The following PRKAG2 variants were observed in gnomAD, a reference collection of about 807,000 sequenced individuals.
The protein encoded by PRKAG2 is 5'-AMP-activated protein kinase subunit gamma-2.
In PRKAG2, 26 loss-of-function variants were observed where a neutral mutation model predicts 69.6. The ratio of observed to expected loss-of-function variants is 0.37; its 90% CI spans 0.27 to 0.52. The LOEUF is 0.52. Ranked by LOEUF, PRKAG2 falls within the 20% of genes least tolerant of loss-of-function variation. PRKAG2 has a pLI of 0.90. For synonymous variants in PRKAG2, 293 were observed against 285.0 expected, an observed-to-expected ratio of 1.03 and a Z score of -0.28; for missense variants, 557 against 740.0, an observed-to-expected ratio of 0.75 and a Z score of 2.87.
In PRKAG2 at chr7:151,699,919, C is replaced by T. The variant is rs1837385750; in HGVS notation, c.467-24282G>A. The stretch of plus-strand genomic sequence containing the variant: ...AAGGGAGTAGAGGGGCAGTGCTCTG[C>T]TGCCACAGGCGGCCGCAGATGGGTG... On this transcript the variant is annotated intron_variant, in intron 3 of 15. Transcript: ENST00000287878. This position sits in a 1 kb window ranked among gnomAD's most constrained non-coding sequence, Gnocchi z 4.5. 6.6e-6 allele frequency among the ~76,000 whole-genome samples: 1 copy of T among 152,180 alleles called. No homozygotes were observed. Among genetic ancestry groups the T allele is most frequent in the Non-Finnish European group, 1.5e-5 (1 of 68,030 alleles).
At chr7:151,709,748 T>C (rs1563491074) in intron 3 of PRKAG2, among the ~76,000 whole-genome samples, 1 of 152,110 alleles carries the variant, frequency 6.6e-6, no homozygotes, top group African/African-American at 2.4e-5. Flanking sequence ...GTGTGAGACA[T>C]TGTGATATTG....
At chr7:151,568,076 A>T (rs976641872) in intron 11 of PRKAG2, among the ~76,000 whole-genome samples, 1 of 152,246 alleles carries the variant, frequency 6.6e-6, no homozygotes, top group Non-Finnish European at 1.5e-5. Flanking sequence ...GACAAACATA[A>T]AAAGCCTCTT....
intron 5 of PRKAG2, among the ~76,000 whole-genome samples, chr7:151,625,266 G>A (rs964845601): frequency 5.3e-5 from 8 of 152,186 alleles, no homozygotes; most frequent in Non-Finnish European, 8.8e-5. Flanking sequence ...CAAAGGAGAG[G>A]AAGGAATGAT....
intron 1 of PRKAG2, among the ~76,000 whole-genome samples, chr7:151,855,781 G>GT (rs2079759555): frequency 6.6e-6 from 1 of 152,224 alleles, no homozygotes; most frequent in Non-Finnish European, 1.5e-5. Flanking sequence ...ACAGGGATGG[G>GT]TAGAGGCTCA....
chr7:151,620,355 CTTTA>C (rs1821181723), intron 5 of PRKAG2, among the ~76,000 whole-genome samples: 1 of 152,002 alleles, frequency 6.6e-6, no homozygotes, highest in African/African-American at 2.4e-5. Context: ...TTCTTTCTTT[CTTTA>C]GAGATAGGAT....
rs116372641 is a variant in PRKAG2 at position 151,795,046 on chromosome 7, A to G, written c.115-8505T>C. ...GTGGGATTCCTGAGAGCCCCTTCCT[A>G]GTTCAGGGCCCCAGGGCAGCCTCTT... is the stretch of plus-strand genomic sequence containing the variant. On this transcript the variant is annotated intron_variant, in intron 1 of 15. Coordinates refer to ENST00000287878, the MANE Select transcript of PRKAG2 (RefSeq NM_016203.4). Among the ~76,000 whole-genome samples, 723 of 152,236 alleles carry G rather than the reference A, an allele frequency of 4.7e-3. 6 individuals are homozygous for G. Among genetic ancestry groups the G allele is most frequent in the African/African-American group, 0.017 (704 of 41,534 alleles).
At chr7:151,649,873 C>T (rs1828179389) in intron 4 of PRKAG2, among the ~76,000 whole-genome samples, 1 of 152,092 alleles carries the variant, frequency 6.6e-6, no homozygotes, top group Admixed American at 6.6e-5. Flanking sequence ...TTATAAATTA[C>T]CCAGTCTCAG....
intron 11 of PRKAG2, 68 bp from the exon 12 acceptor site, chr7:151,565,953 T>C: frequency 6.5e-7 from 1 of 1,531,234 alleles, no homozygotes; most frequent in Non-Finnish European, 9.0e-7. Flanking sequence ...AAGGTCCAGA[T>C]TTGAATGAAA....
In PRKAG2 at chr7:151,806,613, A is replaced by G. The variant is rs995047415; in HGVS notation, c.115-20072T>C. On this transcript the variant is annotated intron_variant, in intron 1 of 15. Transcript: ENST00000287878. ...TAATTAACAAATGCTTGGGTGGACAATCCTTCAAAATTTAGGATCAATGGG... is the reference window on the plus strand; with the variant it reads ...TAATTAACAAATGCTTGGGTGGACAGTCCTTCAAAATTTAGGATCAATGGG... 8.5e-5 allele frequency: 15 copies of G among 175,810 alleles called. 1 individual carries two copies. The East Asian group carries it at 1.2e-3, about 14-fold the overall frequency. 10.9% of individuals were successfully genotyped at this position (175,810 alleles called of 1,614,324 possible).
chr7:151,600,857 C>T (rs1422835703), intron 5 of PRKAG2, among the ~76,000 whole-genome samples: 2 of 152,192 alleles, frequency 1.3e-5, no homozygotes, highest in Non-Finnish European at 2.9e-5. Context: ...CATTACGGAC[C>T]AGGTACTGCA....
intron 3 of PRKAG2, among the ~76,000 whole-genome samples, chr7:151,762,375 G>A (rs990144754): frequency 6.6e-6 from 1 of 152,188 alleles, no homozygotes; most frequent in Admixed American, 6.5e-5. Flanking sequence ...ACACACATAT[G>A]TTAATTCTTA....
chr7:151,682,373 CG>C (rs1465013348), intron 3 of PRKAG2, among the ~76,000 whole-genome samples: 1 of 151,912 alleles, frequency 6.6e-6, no homozygotes, highest in African/African-American at 2.4e-5. Context: ...CCTGAGTAGC[CG>C]GAACTCCAGG....
At chr7:151,659,301 T>C (rs1829956935) in intron 4 of PRKAG2, among the ~76,000 whole-genome samples, 1 of 152,232 alleles carries the variant, frequency 6.6e-6, no homozygotes, top group Non-Finnish European at 1.5e-5. Flanking sequence ...TTTTGCCTCC[T>C]GCTTCTGTTT....
intron 15 of PRKAG2, 64 bp from the exon 16 acceptor site, chr7:151,557,296 G>T: frequency 6.2e-7 from 1 of 1,613,516 alleles, no homozygotes; most frequent in Non-Finnish European, 8.5e-7. Context: ...TCTACCCCAG[G>T]GGTTTCTACC....
At chr7:151,672,117 T>A (rs1174310544) in intron 4 of PRKAG2, among the ~76,000 whole-genome samples, 1 of 150,774 alleles carries the variant, frequency 6.6e-6, no homozygotes, top group African/African-American at 2.4e-5. Flanking sequence ...ACTATTTTTT[T>A]TTGAGAAGGA....
chr7:151,832,212 AGAGGAGGG>A (rs1223412651), intron 1 of PRKAG2, among the ~76,000 whole-genome samples: 8 of 115,804 alleles, frequency 6.9e-5, no homozygotes, highest in African/African-American at 2.0e-4. Flanking sequence ...AGAGGGAGGA[AGAGGAGGG>A]GAGGAGGGAA....
rs1799772050 is a variant in PRKAG2, at chr7:151,736,200, C to G, written c.466+44952G>C. 3 of 1,408,666 alleles carry G rather than the reference C, an allele frequency of 2.1e-6. No homozygotes were observed. In the Admixed American group the frequency reaches 8.7e-5, roughly 41 times the overall value. 87.3% of individuals were successfully genotyped at this position (1,408,666 alleles called of 1,614,324 possible). The stretch of plus-strand genomic sequence containing the variant: ...GTCTTCAGGGCGACCTCACCGCAGC[C>G]CCAGAGTCTGTGAGGCGCCAGGGAG... On this transcript the variant is annotated intron_variant, in intron 3 of 15. Coordinates refer to ENST00000287878, the MANE Select transcript of PRKAG2 (RefSeq NM_016203.4).
At chr7:151,605,101 C>G (rs1026835381) in intron 5 of PRKAG2, among the ~76,000 whole-genome samples, 1 of 152,122 alleles carries the variant, frequency 6.6e-6, no homozygotes, top group Non-Finnish European at 1.5e-5. Flanking sequence ...ATCGCAACCT[C>G]CACCTCCAGG....
At chr7:151,852,395 T>C (rs2079592772) in intron 1 of PRKAG2, among the ~76,000 whole-genome samples, 1 of 152,128 alleles carries the variant, frequency 6.6e-6, no homozygotes, top group African/African-American at 2.4e-5. Context: ...CTCGGGAGGC[T>C]GAGGCAGGAG....
Sources: gnomAD v4.1 joint callset for allele counts (sites outside exome capture counted in the v4.1 genomes callset) on GRCh38, gnomAD v4.1.1 for gene constraint, Gnocchi (gnomAD v3.1) non-coding constraint, MANE v1.5 for transcripts, NCBI Gene and HGNC (gene_info 2026-07-23, HGNC 2026-07-21) for gene names.